The following INTS7 variants were observed in gnomAD, a reference collection of about 807,000 sequenced individuals.
INTS7 encodes the protein chromosome 1 open reading frame 73.
In INTS7, 46 loss-of-function variants were observed where a neutral mutation model predicts 109.2. The ratio of observed to expected loss-of-function variants is 0.42; its 90% confidence interval spans 0.33 to 0.54. The LOEUF is 0.54. Among genes scored for constraint, INTS7 ranks in the 20% least tolerant of loss-of-function variants. The probability of loss-of-function intolerance (pLI) is 0.07; values close to 1 mark genes in which losing one functional copy is unlikely to be tolerated. For synonymous variants in INTS7, 412 were observed against 402.9 expected (o/e 1.02, Z -0.27); for missense variants, 929 against 1,132.4 (o/e 0.82, Z 2.58).
intron 17 of INTS7, among the ~76,000 whole-genome samples, chr1:211,952,269 G>A (rs1243211166): frequency 6.6e-6 from 1 of 152,144 alleles, no homozygotes. Context: ...AGCCTGCGTT[G>A]AGAATTATTG....
intron 13 of INTS7, among the ~76,000 whole-genome samples, chr1:211,972,640 T>C (rs746209328): frequency 1.3e-5 from 2 of 152,038 alleles, no homozygotes; most frequent in Non-Finnish European, 2.9e-5. Context: ...GCAAAAGTGA[T>C]GAGATTTTGA....
intron 2 of INTS7, chr1:212,020,722 T>C: frequency 1.5e-5 from 15 of 1,015,922 alleles, no homozygotes; most frequent in Non-Finnish European, 1.8e-5. Context: ...AGTGCTTACA[T>C]GTTTCAGGTA....
intron 16 of INTS7, 58 bp downstream of exon 16, chr1:211,966,372 G>A (rs957514731): frequency 5.3e-6 from 5 of 948,958 alleles, no homozygotes; most frequent in Admixed American, 1.9e-5. Context: ...TGATGATTAG[G>A]TAAGACAATG....
intron 10 of INTS7, 64 bp downstream of exon 10, chr1:211,981,027 CTT>C: frequency 2.2e-6 from 2 of 903,246 alleles, no homozygotes. Flanking sequence ...GTCTGCTTAA[CTT>C]TGCTTTCTAT....
intron 17 of INTS7, among the ~76,000 whole-genome samples, chr1:211,948,017 A>T (rs543529099): frequency 6.6e-6 from 1 of 152,218 alleles, no homozygotes; most frequent in Non-Finnish European, 1.5e-5. Flanking sequence ...TATTTCTATA[A>T]CTATCTCTAA....
At position 211,991,817 on chromosome 1, in the gene INTS7, AAGG is replaced by A. The variant is rs1665161537; in HGVS notation, c.880-3817_880-3815del. 4.6e-5 allele frequency among the ~76,000 whole-genome samples: 7 copies of A among 152,326 alleles called. No individual in the cohort carries two copies. The East Asian group carries it at 5.8e-4, about 13-fold the overall frequency. On this transcript the variant is annotated intron_variant, in intron 7 of 19. Transcript: ENST00000366994. ...AGCCATGGACTCAACTTGGAAGAAA[AAGG>A]GCAGTGAAGAATACAGAGAAGGTGC...
At chr1:211,987,109 C>T (rs1369968442) in intron 8 of INTS7, among the ~76,000 whole-genome samples, 1 of 152,076 alleles carries the variant, frequency 6.6e-6, no homozygotes, top group Admixed American at 6.6e-5. Flanking sequence ...CCAGCTTGGG[C>T]TGAATGGTGA....
intron 17 of INTS7, among the ~76,000 whole-genome samples, chr1:211,948,162 A>ATT (rs967709687): frequency 6.7e-6 from 1 of 148,222 alleles, no homozygotes; most frequent in Non-Finnish European, 1.5e-5. Flanking sequence ...TGCTGTAAAC[A>ATT]TTTTTTTTTT....
At chr1:211,995,253 C>G (rs1665330512) in intron 7 of INTS7, among the ~76,000 whole-genome samples, 1 of 152,100 alleles carries the variant, frequency 6.6e-6, no homozygotes, top group South Asian at 2.1e-4. Flanking sequence ...GAAAGCATTA[C>G]AGACAGCATA....
intron 17 of INTS7, among the ~76,000 whole-genome samples, chr1:211,951,186 T>G (rs1663065837): frequency 6.6e-6 from 1 of 152,236 alleles, no homozygotes; most frequent in Non-Finnish European, 1.5e-5. Context: ...GTTCAAAGGC[T>G]GGGAATTGGG....
At chr1:212,026,203 C>T (rs1666910238) in intron 1 of INTS7, among the ~76,000 whole-genome samples, 1 of 152,122 alleles carries the variant, frequency 6.6e-6, no homozygotes. Flanking sequence ...CACAATGTTT[C>T]ATACAAAAGA....
intron 17 of INTS7, among the ~76,000 whole-genome samples, chr1:211,948,952 G>A (rs937607678): frequency 8.5e-5 from 13 of 152,166 alleles, no homozygotes; most frequent in African/African-American, 2.4e-4. Flanking sequence ...TGATCCACCC[G>A]CCTTGGCCTC....
intron 10 of INTS7, 50 bp from the exon 11 acceptor site, chr1:211,978,561 A>C: frequency 6.2e-7 from 1 of 1,607,160 alleles, no homozygotes; most frequent in Non-Finnish European, 8.5e-7. Context: ...GATACAGATG[A>C]AGCTTTAAGG....
At chr1:211,952,158 T>C (rs571735146) in intron 17 of INTS7, among the ~76,000 whole-genome samples, 1 of 152,336 alleles carries the variant, frequency 6.6e-6, no homozygotes, top group South Asian at 2.1e-4. Flanking sequence ...AAACTACTAA[T>C]GCCTGGGCCA....
chr1:212,015,019 C>G (rs1173773499), intron 4 of INTS7, among the ~76,000 whole-genome samples: 1 of 151,354 alleles, frequency 6.6e-6, no homozygotes, highest in Non-Finnish European at 1.5e-5. Context: ...GGAGCCCTTC[C>G]GCCTGGCAGC....
chr1:211,982,658 A>G lies in INTS7; in HGVS notation c.1132+18T>C. The G allele has an allele frequency of 6.3e-7, 1 of 1,582,216 alleles. No homozygotes were observed. The highest frequency in any genetic ancestry group is 8.6e-7 in the Non-Finnish European group (1 of 1,164,344). On this transcript the variant is annotated intron_variant, in intron 9 of 19. Coordinates refer to ENST00000366994, the MANE Select transcript of INTS7 (RefSeq NM_015434.4). ...TAAACCAAAGTTTATACGTAATATC[A>G]GTCCTGATCAAACTTACCCTTTTCT... is the stretch of plus-strand genomic sequence containing the variant.
chr1:212,015,368 A>AT, intron 4 of INTS7, among the ~76,000 whole-genome samples: 1 of 152,296 alleles, frequency 6.6e-6, no homozygotes, highest in East Asian at 1.9e-4. Flanking sequence ...ACTAAGAAAA[A>AT]TTCTTCTGCC....
chr1:211,997,629 A>G (rs1665465436), intron 7 of INTS7, among the ~76,000 whole-genome samples: 2 of 151,558 alleles, frequency 1.3e-5, no homozygotes, highest in South Asian at 4.2e-4. Context: ...CTATAATCCC[A>G]GCACTTTCGG....
intron 4 of INTS7, among the ~76,000 whole-genome samples, chr1:212,012,043 G>A (rs1056694490): frequency 6.6e-6 from 1 of 152,126 alleles, no homozygotes; most frequent in African/African-American, 2.4e-5. Context: ...CCAAAAACCT[G>A]AGCACTGGGC....
Sources: allele counts gnomAD v4.1 joint callset (sites outside exome capture counted in the v4.1 genomes callset), GRCh38; gene constraint gnomAD v4.1.1; transcripts MANE v1.5; gene names NCBI Gene and HGNC (gene_info 2026-07-23, HGNC 2026-07-21).